The following USP26 variants were observed in gnomAD, a reference collection of about 807,000 sequenced individuals.
USP26 encodes the protein ubiquitin carboxyl-terminal hydrolase 26.
For synonymous variants in USP26, 236 were observed against 240.6 expected (o/e 0.98, Z 0.18); for missense variants, 649 against 642.3 (o/e 1.01, Z -0.11).
chrX:133,075,738 A>C (rs1353173847), intron 5 of USP26, among the ~76,000 whole-genome samples: 1 of 111,932 alleles, frequency 8.9e-6, no homozygotes, highest in Non-Finnish European at 1.9e-5. Flanking sequence ...ACCAACATTA[A>C]ACAGAGCTGA....
intron 1 of USP26, among the ~76,000 whole-genome samples, chrX:133,095,957 C>T (rs2067628359): frequency 9.2e-6 from 1 of 108,686 alleles, no homozygotes; most frequent in Non-Finnish European, 1.9e-5. Flanking sequence ...GTTGACCAGG[C>T]TAGTCTCGAA....
intron 5 of USP26, among the ~76,000 whole-genome samples, chrX:133,050,319 C>A (rs1569510203): frequency 8.9e-6 from 1 of 112,189 alleles, no homozygotes; most frequent in Non-Finnish European, 1.9e-5. Flanking sequence ...CCAGCTATTC[C>A]ACCTTCTGTC....
At chrX:133,032,393 A>G (rs369151344) in intron 5 of USP26, among the ~76,000 whole-genome samples, 1 of 111,787 alleles carries the variant, frequency 8.9e-6, no homozygotes, top group East Asian at 2.8e-4. Context: ...AAAGGTCCTC[A>G]GGTGGGAATG....
At chrX:133,040,098 A>C (rs1371836475) in intron 5 of USP26, among the ~76,000 whole-genome samples, 1 of 111,255 alleles carries the variant, frequency 9.0e-6, no homozygotes, top group Non-Finnish European at 1.9e-5. Context: ...TGCATGTGAG[A>C]TGTGCCTCTT....
At chrX:133,095,124 GA>G (rs1292260829) in intron 1 of USP26, among the ~76,000 whole-genome samples, 3 of 99,972 alleles carry the variant, frequency 3.0e-5, no homozygotes, top group Non-Finnish European at 6.1e-5. Flanking sequence ...AAGAAAGAAA[GA>G]AAAGAAAAGA....
At chrX:133,046,632 CGA>C (rs34047132) in intron 5 of USP26, among the ~76,000 whole-genome samples, 220 of 103,082 alleles carry the variant, frequency 2.1e-3, no homozygotes, top group Admixed American at 2.1e-3. Context: ...GTGTGTGAGA[CGA>C]GAGAGAGAGA....
chrX:133,071,630 T>C (rs993340450), intron 5 of USP26, among the ~76,000 whole-genome samples: 2 of 112,028 alleles, frequency 1.8e-5, no homozygotes, highest in Non-Finnish European at 3.8e-5. Context: ...ATTATTCTAA[T>C]ATCAAATGCC....
intron 5 of USP26, among the ~76,000 whole-genome samples, chrX:133,061,442 T>C (rs1185970955): frequency 1.8e-5 from 2 of 112,550 alleles, no homozygotes; most frequent in Non-Finnish European, 3.8e-5. Context: ...ACAATCTGTA[T>C]TGTAATGATT....
chrX:133,050,423 G>C (rs113952501), intron 5 of USP26, among the ~76,000 whole-genome samples: 45 of 111,903 alleles, frequency 4.0e-4, no homozygotes, highest in African/African-American at 1.4e-3. Flanking sequence ...GGCTAAAACA[G>C]ATTGCTTCAT....
chrX:133,047,807 C>A (rs1044794901), intron 5 of USP26, among the ~76,000 whole-genome samples: 1 of 111,657 alleles, frequency 9.0e-6, no homozygotes, highest in African/African-American at 3.3e-5. Flanking sequence ...ATCTATGAAC[C>A]AAGAAGAGTG....
intron 5 of USP26, among the ~76,000 whole-genome samples, chrX:133,078,312 G>C (rs2067557806): frequency 9.0e-6 from 1 of 111,194 alleles, no homozygotes; most frequent in African/African-American, 3.3e-5. Flanking sequence ...GTATCCCTTT[G>C]TAGCAACCCA....
intron 5 of USP26, among the ~76,000 whole-genome samples, chrX:133,077,487 T>C (rs761852814): frequency 3.4e-4 from 38 of 112,046 alleles, no homozygotes; most frequent in Non-Finnish European, 6.9e-4. Flanking sequence ...GAATGGAAGC[T>C]AGACAGGAAA....
At chrX:133,046,128 C>T (rs1278408690) in intron 5 of USP26, among the ~76,000 whole-genome samples, 1 of 111,563 alleles carries the variant, frequency 9.0e-6, no homozygotes, top group Non-Finnish European at 1.9e-5. Context: ...TATTGGGACA[C>T]TAATGGAATA....
At chrX:133,091,932 T>C (rs2067609361) in intron 1 of USP26, among the ~76,000 whole-genome samples, 1 of 111,920 alleles carries the variant, frequency 8.9e-6, no homozygotes, top group East Asian at 2.8e-4. Context: ...ATGGTGACTG[T>C]ATGAATCTGC....
Position 133,092,509 on chromosome X carries a change from C to G in USP26, c.-392-1066G>C, listed in dbSNP as rs150214227. Among the ~76,000 whole-genome samples, 667 of 112,117 alleles carry G rather than the reference C, an allele frequency of 5.9e-3. 1 individual carries two copies. The highest frequency in any genetic ancestry group is 9.6e-3 in the Non-Finnish European group (513 of 53,223). ...GGATAATTTCACGAATAATTGCAAC[C>G]ATTAAATAATGTTGGTGCCATCTGA... is the stretch of plus-strand genomic sequence containing the variant. On this transcript the variant is annotated intron_variant, in intron 1 of 5. Transcript: ENST00000511190.
chrX:133,038,533 T>A (rs1404307758), intron 5 of USP26, among the ~76,000 whole-genome samples: 1 of 111,998 alleles, frequency 8.9e-6, no homozygotes, highest in Non-Finnish European at 1.9e-5. Flanking sequence ...TTGTGGTAGA[T>A]AAGCTTTTTG....
At chrX:133,042,967 C>A (rs773720961) in intron 5 of USP26, among the ~76,000 whole-genome samples, 1 of 111,435 alleles carries the variant, frequency 9.0e-6, no homozygotes, top group African/African-American at 3.3e-5. Flanking sequence ...TTGTTTAATT[C>A]CCTCAAATAT....
At chrX:133,053,604 T>C (rs2067466837) in intron 5 of USP26, among the ~76,000 whole-genome samples, 1 of 110,656 alleles carries the variant, frequency 9.0e-6, no homozygotes, top group South Asian at 3.9e-4. Context: ...TAAAACAGAT[T>C]CATACCTGAG....
chrX:133,074,188 C>T (rs1328177689), intron 5 of USP26, among the ~76,000 whole-genome samples: 1 of 112,098 alleles, frequency 8.9e-6, no homozygotes, highest in African/African-American at 3.2e-5. Flanking sequence ...TCTGGCTTTG[C>T]CAGTATCAGA....
Sources: gnomAD v4.1 joint callset for allele counts (sites outside exome capture counted in the v4.1 genomes callset) on GRCh38, gnomAD v4.1.1 for gene constraint, MANE v1.5 for transcripts, NCBI Gene and HGNC (gene_info 2026-07-23, HGNC 2026-07-21) for gene names.